Variants in CCDC192 observed in about 807,000 individuals in gnomAD.
CCDC192 encodes the protein coiled-coil domain-containing protein 192.
chr5:127,710,264 A>G (rs2126777802), intron 2 of CCDC192, among the ~76,000 whole-genome samples: 1 of 152,340 alleles, frequency 6.6e-6, no homozygotes, highest in Non-Finnish European at 1.5e-5. Flanking sequence ...CATGGAACTC[A>G]CAGAGCACAG....
intron 5 of CCDC192, among the ~76,000 whole-genome samples, chr5:127,868,037 G>C (rs1411592770): frequency 6.8e-6 from 1 of 146,140 alleles, no homozygotes; most frequent in Non-Finnish European, 1.5e-5. Context: ...AAGTTGGCGA[G>C]ATCTTAGTTG....
At chr5:127,925,999 CCAGTT>C (rs1414535969) in intron 6 of CCDC192, among the ~76,000 whole-genome samples, 1 of 152,080 alleles carries the variant, frequency 6.6e-6, no homozygotes, top group African/African-American at 2.4e-5. Flanking sequence ...CACAGAGACT[CCAGTT>C]CAGCCACGTG....
chr5:127,732,147 G>A (rs1220706200), intron 2 of CCDC192, among the ~76,000 whole-genome samples: 1 of 125,644 alleles, frequency 8.0e-6, no homozygotes, highest in African/African-American at 3.3e-5. Context: ...TTAAAGAAAT[G>A]TACAAGAAAA....
chr5:127,833,885 A>G (rs1311581110), intron 5 of CCDC192, among the ~76,000 whole-genome samples: 1 of 152,174 alleles, frequency 6.6e-6, no homozygotes, highest in Non-Finnish European at 1.5e-5. Flanking sequence ...AACGTACACA[A>G]TGTTTACCAT....
At chr5:127,881,916 A>C (rs1752369679) in intron 6 of CCDC192, among the ~76,000 whole-genome samples, 1 of 152,206 alleles carries the variant, frequency 6.6e-6, no homozygotes, top group African/African-American at 2.4e-5. Context: ...AGTATGCAGG[A>C]ACCTAAGGTT....
chr5:127,930,476 T>C (rs1177788903), intron 6 of CCDC192, among the ~76,000 whole-genome samples: 1 of 152,214 alleles, frequency 6.6e-6, no homozygotes, highest in Non-Finnish European at 1.5e-5. Context: ...GGTCACTGCA[T>C]TCCATCCATT....
At chr5:127,754,495 AC>A in intron 3 of CCDC192, 120 bp downstream of exon 3, 1 of 166,858 alleles carries the variant, frequency 6.0e-6, no homozygotes, top group Non-Finnish European at 1.1e-5. Context: ...ACACACACAT[AC>A]ACACACACAC....
At chr5:127,939,396 C>T (rs751748667) in intron 6 of CCDC192, among the ~76,000 whole-genome samples, 2 of 151,950 alleles carry the variant, frequency 1.3e-5, no homozygotes, top group African/African-American at 2.4e-5. Context: ...GGATTACAGG[C>T]GTGAGCCACC....
chr5:127,742,715 A>G (rs952422021), intron 2 of CCDC192, among the ~76,000 whole-genome samples: 5 of 152,174 alleles, frequency 3.3e-5, no homozygotes, highest in Non-Finnish European at 7.3e-5. Context: ...ATTTCCATGT[A>G]CCACCATCAT....
intron 6 of CCDC192, among the ~76,000 whole-genome samples, chr5:127,900,331 C>T (rs994779742): frequency 3.3e-5 from 5 of 152,118 alleles, no homozygotes; most frequent in South Asian, 2.1e-4. Context: ...ACATGGAAAA[C>T]GGAATTGGGT....
chr5:127,839,052 A>G lies in CCDC192; in HGVS notation c.412-36486A>G, dbSNP rs1749523431. 2.0e-5 allele frequency among the ~76,000 whole-genome samples: 3 copies of G among 152,222 alleles called. No individual in the cohort carries two copies. The South Asian group carries it at 6.2e-4, about 31-fold the overall frequency. On this transcript the variant is annotated intron_variant, in intron 5 of 6. Transcript: ENST00000514853. The stretch of plus-strand genomic sequence containing the variant: ...ACCCTGGATTTTTCAGACACTTAAG[A>G]CATACAGGTCTTCCTCCATATGGAA...
intron 6 of CCDC192, among the ~76,000 whole-genome samples, chr5:127,882,421 T>C (rs1043035294): frequency 1.3e-5 from 2 of 152,178 alleles, no homozygotes; most frequent in Admixed American, 6.6e-5. Context: ...AATATTCTTT[T>C]TACCTCTCCA....
chr5:127,719,456 CATATATATACAGACACATACAT>C (rs1561444656), intron 2 of CCDC192, among the ~76,000 whole-genome samples: 1 of 133,586 alleles, frequency 7.5e-6, no homozygotes, highest in Non-Finnish European at 1.5e-5. Context: ...TATATACATA[CATATATATACAGACACATACAT>C]ATATATATAT....
chr5:127,727,596 A>C (rs1752406192), intron 2 of CCDC192, among the ~76,000 whole-genome samples: 1 of 152,150 alleles, frequency 6.6e-6, no homozygotes, highest in Non-Finnish European at 1.5e-5. Flanking sequence ...AACTACATAA[A>C]CTCATGCTGA....
intron 3 of CCDC192, among the ~76,000 whole-genome samples, chr5:127,771,541 T>C (rs1308815695): frequency 6.6e-6 from 1 of 152,166 alleles, no homozygotes; most frequent in East Asian, 1.9e-4. Context: ...ATGGAATCTT[T>C]CAGAAAGAGT....
chr5:127,898,861 G>A (rs1480915892), intron 6 of CCDC192, among the ~76,000 whole-genome samples: 1 of 152,130 alleles, frequency 6.6e-6, no homozygotes, highest in Non-Finnish European at 1.5e-5. Flanking sequence ...GGTGTTCTAA[G>A]TAACCCCTGT....
At chr5:127,723,359 T>C (rs914765177) in intron 2 of CCDC192, among the ~76,000 whole-genome samples, 7 of 152,234 alleles carry the variant, frequency 4.6e-5, no homozygotes, top group Non-Finnish European at 8.8e-5. Flanking sequence ...CTATTTTTTA[T>C]GAAGTCTTTA....
At chr5:127,787,981 C>G (rs1756644410) in intron 3 of CCDC192, among the ~76,000 whole-genome samples, 1 of 149,178 alleles carries the variant, frequency 6.7e-6, no homozygotes, top group Non-Finnish European at 1.5e-5. Flanking sequence ...ACTTGGAAGG[C>G]TGAGGCAGGA....
At chr5:127,740,495 C>T (rs1753348121) in intron 2 of CCDC192, among the ~76,000 whole-genome samples, 1 of 152,074 alleles carries the variant, frequency 6.6e-6, no homozygotes, top group Non-Finnish European at 1.5e-5. Context: ...AAGGGTTTCT[C>T]ATGAAAAAGG....
Sources: gnomAD v4.1 joint callset for allele counts (sites outside exome capture counted in the v4.1 genomes callset) on GRCh38, gnomAD v4.1.1 for gene constraint, MANE v1.5 for transcripts, NCBI Gene and HGNC (gene_info 2026-07-23, HGNC 2026-07-21) for gene names.